The following TWIST2 variants were observed in gnomAD, a reference collection of about 807,000 sequenced individuals.
TWIST2 encodes twist-related protein 2.
Under a neutral mutation model 11.6 loss-of-function variants are expected in TWIST2, and 1 was observed. That is an observed-to-expected ratio of 0.09 (90% CI 0.03 to 0.41). The LOEUF is 0.41. Among genes scored for constraint, TWIST2 ranks in the 10% least tolerant of loss-of-function variants. The pLI, the probability that TWIST2 is intolerant of heterozygous loss-of-function variation, is 0.98. For synonymous variants in TWIST2, 87 were observed against 96.6 expected (o/e 0.90, Z 0.58); for missense variants, 168 against 226.4 (o/e 0.74, Z 1.66).
intron 1 of TWIST2, among the ~76,000 whole-genome samples, chr2:238,890,468 G>A (rs911362381): frequency 2.4e-4 from 37 of 152,208 alleles, no homozygotes; most frequent in Admixed American, 2.3e-3. Flanking sequence ...AAAGCCACAC[G>A]ATCCAGGTGA....
intron 1 of TWIST2, among the ~76,000 whole-genome samples, chr2:238,902,462 A>G (rs1693280088): frequency 7.0e-6 from 1 of 142,132 alleles, no homozygotes; most frequent in African/African-American, 2.7e-5. Flanking sequence ...GAATTGGGGT[A>G]TGTGTGGTGT....
At chr2:238,851,659 C>G (rs1433585025) in intron 1 of TWIST2, among the ~76,000 whole-genome samples, 1 of 152,142 alleles carries the variant, frequency 6.6e-6, no homozygotes, top group Non-Finnish European at 1.5e-5. Flanking sequence ...TTTCCTCCCT[C>G]CTGAAAATTT....
chr2:238,857,801 G>A (rs1436578626), intron 1 of TWIST2, among the ~76,000 whole-genome samples: 3 of 152,092 alleles, frequency 2.0e-5, no homozygotes, highest in Admixed American at 6.5e-5. Context: ...GCCACGTGTG[G>A]TGGCACACGG....
At position 238,868,811 on chromosome 2, in the gene TWIST2, C is replaced by T. The variant is rs572691496; in HGVS notation, c.*35+20078C>T. ...GTAGGGCCGGGACACAAGCCCACGG[C>T]TCAGCAAGGCTGGAGGGAGCGCTGC... is the stretch of plus-strand genomic sequence containing the variant. On this transcript the variant is annotated intron_variant, in intron 1 of 1. Coordinates refer to ENST00000612363, the MANE Select transcript of TWIST2 (RefSeq NM_001271893.4). Among the ~76,000 whole-genome samples, 3 of 152,360 alleles carry T rather than the reference C, an allele frequency of 2.0e-5. No homozygotes were observed. The South Asian group carries it at 6.2e-4, about 32-fold the overall frequency.
intron 1 of TWIST2, among the ~76,000 whole-genome samples, chr2:238,859,897 C>G (rs1692401265): frequency 6.6e-6 from 1 of 152,196 alleles, no homozygotes; most frequent in Admixed American, 6.5e-5. Flanking sequence ...TGAAGCCTCT[C>G]CACAGTAGAC....
rs1693426006 is a variant in TWIST2, at chr2:238,909,994, C to A, written c.*188C>A. 1.3e-5 allele frequency: 2 copies of A among 152,280 alleles called. No individual in the cohort carries two copies. The highest frequency in any genetic ancestry group is 4.1e-4 in the South Asian group (2 of 4,824). The allele number at this position is 152,280 out of a possible 1,614,324, so 9.4% of individuals were successfully genotyped here. On this transcript the variant is annotated 3_prime_UTR_variant, in exon 2 of 2. Transcript: ENST00000612363. ...GACATCGGACAGAAGACCCGGGCTC[C>A]CGTCCTCCCCCAGGACGGTCCCCAC...
intron 1 of TWIST2, among the ~76,000 whole-genome samples, chr2:238,870,858 T>C (rs1278632232): frequency 5.1e-4 from 11 of 21,368 alleles, no homozygotes; most frequent in African/African-American, 1.0e-3. Context: ...CACACACACC[T>C]TACCCCACAC....
At chr2:238,908,992 GTA>G (rs1286131539) in intron 1 of TWIST2, among the ~76,000 whole-genome samples, 4 of 152,068 alleles carry the variant, frequency 2.6e-5, no homozygotes, top group Admixed American at 6.6e-5. Context: ...GTAGTGTGTA[GTA>G]TGTTTGTGTG....
chr2:238,878,780 AGG>A (rs1692853303), intron 1 of TWIST2, among the ~76,000 whole-genome samples: 1 of 52,762 alleles, frequency 1.9e-5, no homozygotes, highest in Non-Finnish European at 4.9e-5. Flanking sequence ...TTGAGTGGAG[AGG>A]AGAGGAGGCT....
chr2:238,892,148 A>T (rs1029468347), intron 1 of TWIST2, among the ~76,000 whole-genome samples: 4 of 151,866 alleles, frequency 2.6e-5, no homozygotes, highest in African/African-American at 4.8e-5. Context: ...TGAGCCAGGC[A>T]ACCACCGGAA....
At chr2:238,890,198 A>T (rs894905189) in intron 1 of TWIST2, among the ~76,000 whole-genome samples, 1 of 152,134 alleles carries the variant, frequency 6.6e-6, no homozygotes, top group African/African-American at 2.4e-5. Flanking sequence ...AGGGGATGCC[A>T]CACAGCCAGG....
intron 1 of TWIST2, among the ~76,000 whole-genome samples, chr2:238,909,107 GTGTGTATGTGGGGTGGGGTGTGTT>G (rs1693409128): frequency 4.7e-5 from 4 of 84,612 alleles, no homozygotes; most frequent in South Asian, 5.1e-4. Context: ...TGTTTGGTGT[GTGTGTATGTGGGGTGGGGTGTGTT>G]CGTGGGTGTG....
intron 1 of TWIST2, among the ~76,000 whole-genome samples, chr2:238,880,201 T>C (rs1207906355): frequency 1.3e-5 from 2 of 151,924 alleles, no homozygotes. Flanking sequence ...GTATTGGTGT[T>C]ACTGTTAGTA....
At chr2:238,869,051 TG>T (rs1305936150) in intron 1 of TWIST2, among the ~76,000 whole-genome samples, 1 of 152,186 alleles carries the variant, frequency 6.6e-6, no homozygotes, top group African/African-American at 2.4e-5. Context: ...AGCAAATGCT[TG>T]GCAGTTTAAG....
chr2:238,885,691 A>G (rs539147990), intron 1 of TWIST2, among the ~76,000 whole-genome samples: 2 of 152,344 alleles, frequency 1.3e-5, no homozygotes, highest in South Asian at 4.1e-4. Flanking sequence ...TGAAGGGAGT[A>G]TGACTGGGAG....
intron 1 of TWIST2, among the ~76,000 whole-genome samples, chr2:238,906,687 C>A (rs1693360544): frequency 6.6e-6 from 1 of 152,168 alleles, no homozygotes; most frequent in South Asian, 2.1e-4. Flanking sequence ...CCGAGCACCA[C>A]GTCACCCGTC....
At chr2:238,881,417 T>C (rs538947613) in intron 1 of TWIST2, among the ~76,000 whole-genome samples, 4 of 150,726 alleles carry the variant, frequency 2.7e-5, no homozygotes, top group Non-Finnish European at 5.9e-5. Context: ...GTGTCAGTGT[T>C]AGTGTTAGTA....
chr2:238,869,670 T>C (rs1010811279), intron 1 of TWIST2, among the ~76,000 whole-genome samples: 2 of 152,196 alleles, frequency 1.3e-5, no homozygotes, highest in Non-Finnish European at 2.9e-5. Flanking sequence ...ACCTATGAGG[T>C]TGCCTACTCA....
chr2:238,850,535 C>A (rs1692224072), intron 1 of TWIST2, among the ~76,000 whole-genome samples: 1 of 152,166 alleles, frequency 6.6e-6, no homozygotes, highest in Admixed American at 6.5e-5. Flanking sequence ...CAGAAAATTA[C>A]TGAAAACAAA....
Sources: allele counts gnomAD v4.1 joint callset (sites outside exome capture counted in the v4.1 genomes callset), GRCh38; gene constraint gnomAD v4.1.1; transcripts MANE v1.5; gene names NCBI Gene and HGNC (gene_info 2026-07-23, HGNC 2026-07-21).